ANGPT4: variants seen among roughly 807,000 people sequenced by gnomAD.
The protein encoded by ANGPT4 is angiopoietin-4.
A neutral mutation model predicts 53.0 loss-of-function variants in ANGPT4; 50 were observed. That is an observed-to-expected ratio of 0.94 (90% CI 0.75 to 1.20). The LOEUF is 1.20. Ranked by LOEUF, ANGPT4 falls within the 50% of genes most tolerant of loss-of-function variation. The probability of loss-of-function intolerance (pLI) is 0.00; values close to 1 mark genes in which losing one functional copy is unlikely to be tolerated. For synonymous variants in ANGPT4, 251 were observed against 259.7 expected, an observed-to-expected ratio of 0.97 and a Z score of 0.32; for missense variants, 648 against 637.1, an observed-to-expected ratio of 1.02 and a Z score of -0.18.
intron 2 of ANGPT4, 22 bp from the exon 3 acceptor site, chr20:888,461 G>A (rs747566081): frequency 6.2e-7 from 1 of 1,606,182 alleles, no homozygotes; most frequent in East Asian, 2.2e-5. Flanking sequence ...AGCAGAAGCA[G>A]GTAGGGGGCT....
chr20:885,395 C>A, intron 3 of ANGPT4, 70 bp from the exon 4 acceptor site: 2 of 1,446,148 alleles, frequency 1.4e-6, no homozygotes, highest in African/African-American at 2.8e-5. Context: ...CGCGCCTCCC[C>A]GGCCCTGGAG....
chr20:890,189 G>A, intron 2 of ANGPT4, 24 bp downstream of exon 2: 1 of 1,607,800 alleles, frequency 6.2e-7, no homozygotes, highest in Non-Finnish European at 8.5e-7. Flanking sequence ...GGCCCTCAGT[G>A]CCCACTCAGT....
intron 1 of ANGPT4, among the ~76,000 whole-genome samples, chr20:913,866 T>G (rs1600068511): frequency 6.6e-6 from 1 of 152,150 alleles, no homozygotes; most frequent in East Asian, 1.9e-4. Context: ...TGGGTGGTGG[T>G]GTCACCCTAA....
intron 1 of ANGPT4, among the ~76,000 whole-genome samples, chr20:894,519 C>A (rs1981969517): frequency 6.6e-6 from 1 of 152,006 alleles, no homozygotes; most frequent in Admixed American, 6.5e-5. Flanking sequence ...TCATGGACTG[C>A]ATGTGAGCTC....
At chr20:897,319 C>A (rs1982095569) in intron 1 of ANGPT4, among the ~76,000 whole-genome samples, 1 of 152,218 alleles carries the variant, frequency 6.6e-6, no homozygotes, top group Admixed American at 6.5e-5. Flanking sequence ...CCACCTATGA[C>A]CTCCGATCCT....
chr20:908,409 C>T lies in ANGPT4; in HGVS notation c.309+7497G>A, dbSNP rs552415046. Among the ~76,000 whole-genome samples, 2 of 152,310 alleles carry T rather than the reference C, an allele frequency of 1.3e-5. No homozygotes were observed. Among genetic ancestry groups the T allele is most frequent in the South Asian group, 4.1e-4 (2 of 4,824 alleles). On this transcript the variant is annotated intron_variant, in intron 1 of 8. Coordinates refer to ENST00000381922, the MANE Select transcript of ANGPT4 (RefSeq NM_015985.4). This position sits in a 1 kb window ranked among gnomAD's most constrained non-coding sequence, Gnocchi z 4.9. ...TGCCTGGAATGCTTTTGCTTCCTTT[C>T]CCTGTCTCGCCACTGCCAACCCAGC...
chr20:911,379 G>A lies in ANGPT4; in HGVS notation c.309+4527C>T, dbSNP rs1471546790. On this transcript the variant is annotated intron_variant, in intron 1 of 8. Transcript: ENST00000381922. The surrounding 1 kb of genome is among the most constrained non-coding windows in gnomAD (Gnocchi z 4.9). Reference sequence around the variant, plus strand: ...TGGGTGCAGAGGAGGAAGAGAAAGAGGCCTCGGCTGAGCAGCCAGCTGCAG... The same window carrying A: ...TGGGTGCAGAGGAGGAAGAGAAAGAAGCCTCGGCTGAGCAGCCAGCTGCAG... 6.6e-6 allele frequency among the ~76,000 whole-genome samples: 1 copy of A among 152,250 alleles called. No homozygotes were observed. Among genetic ancestry groups the A allele is most frequent in the East Asian group, 1.9e-4 (1 of 5,202 alleles).
At chr20:874,440 G>T (rs746137592) in intron 7 of ANGPT4, 26 bp from the exon 8 acceptor site, 1 of 1,612,190 alleles carries the variant, frequency 6.2e-7, no homozygotes, top group South Asian at 1.1e-5. Context: ...AGGTGGTGGT[G>T]GCAGAAGGGC....
chr20:888,251 C>T (rs867623110), intron 3 of ANGPT4, 67 bp downstream of exon 3: 2 of 1,550,582 alleles, frequency 1.3e-6, no homozygotes, highest in Middle Eastern at 2.1e-4. Flanking sequence ...CTGGTGCCTG[C>T]CCTAGGTCCT....
intron 1 of ANGPT4, among the ~76,000 whole-genome samples, chr20:894,455 T>C (rs1299326717): frequency 1.3e-5 from 2 of 152,020 alleles, no homozygotes; most frequent in Non-Finnish European, 2.9e-5. Context: ...TCGATGTCAT[T>C]AACATCAGAG....
Position 872,782 on chromosome 20 carries a change from G to A in ANGPT4, c.*178C>T, listed in dbSNP as rs1980991191. ...CCCGAACACCCTCCATGTCACAGAC[G>A]GAGGGGAGTTGGGGGGCAGATGACC... On this transcript the variant is annotated 3_prime_UTR_variant, in exon 9 of 9. Coordinates refer to ENST00000381922, the MANE Select transcript of ANGPT4 (RefSeq NM_015985.4). The A allele has an allele frequency of 1.6e-5, 11 of 693,182 alleles. No individual in the cohort carries two copies. The highest frequency in any genetic ancestry group is 8.1e-5 in the East Asian group (3 of 37,188). The allele number at this position is 693,182 out of a possible 1,614,324, so 42.9% of individuals were successfully genotyped here. A position where few individuals can be genotyped will look rare whatever the true frequency, so the allele number is the denominator to read the frequency against.
rs1017883005 is a variant in ANGPT4, at chr20:912,288, C to T, written c.309+3618G>A. Among the ~76,000 whole-genome samples the T allele has an allele frequency of 4.3e-4, 66 of 152,178 alleles. 1 individual carries two copies. Among genetic ancestry groups the T allele is most frequent in the Non-Finnish European group, 1.2e-4 (8 of 68,034 alleles). ...TTTCTCTGCTCTGCTTCTCTTGACC[C>T]CACATCAAAGGTCAGGGGTAGGTGC... On this transcript the variant is annotated intron_variant, in intron 1 of 8. Coordinates refer to ENST00000381922, the MANE Select transcript of ANGPT4 (RefSeq NM_015985.4).
At chr20:894,284 T>A (rs1444709840) in intron 1 of ANGPT4, among the ~76,000 whole-genome samples, 1 of 152,166 alleles carries the variant, frequency 6.6e-6, no homozygotes, top group Non-Finnish European at 1.5e-5. Context: ...GGATTCTAAG[T>A]TGGCCTAGGA....
Position 912,164 on chromosome 20 carries a change from G to C in ANGPT4, c.309+3742C>G, listed in dbSNP as rs185316853. On this transcript the variant is annotated intron_variant, in intron 1 of 8. Coordinates refer to ENST00000381922, the MANE Select transcript of ANGPT4 (RefSeq NM_015985.4). ...TCATTCTGTGGGGCCATGAAGAGAA[G>C]GCAGAGTATGGCACTTCTTGGATGG... Among the ~76,000 whole-genome samples, 8 of 152,282 alleles carry C rather than the reference G, an allele frequency of 5.3e-5. No homozygotes were observed. The East Asian group carries it at 1.4e-3, about 26-fold the overall frequency.
chr20:884,354 C>T (rs6118079), intron 4 of ANGPT4, among the ~76,000 whole-genome samples: 3,403 of 152,302 alleles, frequency 0.022, 120 homozygotes, highest in African/African-American at 0.076. Context: ...AAACCAGGGA[C>T]TGGACATTTT....
At chr20:893,796 A>G (rs769779011) in intron 1 of ANGPT4, among the ~76,000 whole-genome samples, 1 of 152,044 alleles carries the variant, frequency 6.6e-6, no homozygotes, top group African/African-American at 2.4e-5. Flanking sequence ...CCAGACCTCA[A>G]TCTTAACTTC....
chr20:899,359 T>A (rs1600058883), intron 1 of ANGPT4, among the ~76,000 whole-genome samples: 2 of 152,006 alleles, frequency 1.3e-5, no homozygotes, highest in African/African-American at 4.8e-5. Flanking sequence ...GCCATTCTCC[T>A]GCCTCAGCCT....
chr20:898,960 TCTGGCCCAAGGCTGTCTGA>T (rs540232413), intron 1 of ANGPT4, among the ~76,000 whole-genome samples: 243 of 152,320 alleles, frequency 1.6e-3, no homozygotes, highest in African/African-American at 5.6e-3. Context: ...CCCCTGGAAA[TCTGGCCCAAGGCTGTCTGA>T]CTGACTCCTT....
At chr20:893,276 C>T (rs1981919355) in intron 1 of ANGPT4, among the ~76,000 whole-genome samples, 2 of 152,246 alleles carry the variant, frequency 1.3e-5, no homozygotes, top group Admixed American at 6.5e-5. Flanking sequence ...CAAATATTTT[C>T]ATATCACAAC....
Sources: allele counts gnomAD v4.1 joint callset (sites outside exome capture counted in the v4.1 genomes callset), GRCh38; gene constraint gnomAD v4.1.1; non-coding constraint Gnocchi (gnomAD v3.1); transcripts MANE v1.5; gene names NCBI Gene and HGNC (gene_info 2026-07-23, HGNC 2026-07-21).